The following HAUS8 variants were observed in gnomAD, a reference collection of about 807,000 sequenced individuals.
HAUS8 encodes the protein HAUS augmin-like complex subunit 8.
HAUS8 carries 38 observed loss-of-function variants against 42.9 expected under a neutral mutation model. That is an observed-to-expected ratio of 0.89 (90% CI 0.68 to 1.16). The LOEUF is 1.16. HAUS8 is among the 50% of genes most tolerant of loss of function. The pLI is 0.00. For missense variants in HAUS8, 494 were observed against 511.6 expected (o/e 0.97, Z 0.33); for synonymous variants, 199 against 205.8 (o/e 0.97, Z 0.28).
chr19:17,054,193 G>C (rs568446293), intron 9 of HAUS8, among the ~76,000 whole-genome samples: 1 of 152,226 alleles, frequency 6.6e-6, no homozygotes, highest in East Asian at 1.9e-4. Context: ...AACTGGGAGG[G>C]AATATCTTTC....
intron 3 of HAUS8, among the ~76,000 whole-genome samples, chr19:17,068,167 G>A (rs2057399335): frequency 7.0e-6 from 1 of 142,556 alleles, no homozygotes; most frequent in Non-Finnish European, 1.5e-5. Flanking sequence ...AGGCTGGAGT[G>A]CAGTGGTTCA....
intron 3 of HAUS8, among the ~76,000 whole-genome samples, chr19:17,065,278 G>A (rs1486106506): frequency 6.6e-6 from 1 of 152,128 alleles, no homozygotes; most frequent in East Asian, 1.9e-4. Context: ...ATTATATAGA[G>A]ATGTTTTCAT....
chr19:17,063,589 C>T (rs556492988), intron 3 of HAUS8, among the ~76,000 whole-genome samples: 4 of 152,286 alleles, frequency 2.6e-5, no homozygotes, highest in Non-Finnish European at 5.9e-5. Context: ...TGGGGTGCCC[C>T]AGACTGAACA....
At position 17,073,510 on chromosome 19, in the gene HAUS8, C is replaced by T. The variant is rs913024930; in HGVS notation, c.30-175G>A. On this transcript the variant is annotated intron_variant, in intron 1 of 10. Transcript: ENST00000253669. ...AAAAGGGACACAAGGAGCAGCCAGC[C>T]CTGGTCACCTGGGCAAGAAGGCATA... The T allele has an allele frequency of 4.6e-6, 3 of 648,334 alleles. No homozygotes were observed. The African/African-American group carries it at 5.4e-5, about 12-fold the overall frequency. The allele number at this position is 648,334 out of a possible 1,614,324, so 40.2% of individuals were successfully genotyped here.
intron 9 of HAUS8, among the ~76,000 whole-genome samples, chr19:17,054,015 C>T (rs139380289): frequency 1.8e-3 from 278 of 152,070 alleles, no homozygotes; most frequent in African/African-American, 6.3e-3. Context: ...CACGTGAGGA[C>T]GGGCAGAGAA....
chr19:17,060,166 G>T, intron 4 of HAUS8, 74 bp from the exon 5 acceptor site: 1 of 1,033,000 alleles, frequency 9.7e-7, no homozygotes. Flanking sequence ...AACGCAGGCC[G>T]TGTTTTTGAA....
intron 2 of HAUS8, among the ~76,000 whole-genome samples, chr19:17,072,672 A>T (rs2057434657): frequency 6.6e-6 from 1 of 151,562 alleles, no homozygotes; most frequent in South Asian, 2.1e-4. Context: ...GTTTTGAGAC[A>T]GAGTCTCACT....
intron 1 of HAUS8, chr19:17,073,779 C>T (rs567055982): frequency 3.9e-4 from 70 of 179,310 alleles, no homozygotes; most frequent in Non-Finnish European, 2.6e-4. Context: ...CTGAGGCTGG[C>T]GGATCACGAG....
At chr19:17,075,519 G>A (rs1469237471), upstream of HAUS8, 1 of 1,380,346 alleles carries the variant, frequency 7.2e-7, no homozygotes, top group East Asian at 2.4e-5. Flanking sequence ...GACGCAGGAG[G>A]GGTGGCTGCG....
intron 9 of HAUS8, among the ~76,000 whole-genome samples, chr19:17,055,558 ACCC>A (rs2057320477): frequency 6.6e-6 from 1 of 151,588 alleles, no homozygotes; most frequent in African/African-American, 2.4e-5. Context: ...TGGTCTTGTC[ACCC>A]CCCAACCACT....
chr19:17,073,570 T>C, intron 1 of HAUS8: 1 of 563,430 alleles, frequency 1.8e-6, no homozygotes. Flanking sequence ...AGGAGGGTAA[T>C]GAGAGCTCTG....
intron 3 of HAUS8, among the ~76,000 whole-genome samples, chr19:17,063,805 C>A (rs1042580116): frequency 5.3e-5 from 8 of 152,182 alleles, no homozygotes; most frequent in African/African-American, 1.9e-4. Flanking sequence ...ATCTCCTGAC[C>A]TGTCCTCAAA....
In HAUS8 at chr19:17,073,300, G is replaced by A. The variant is rs923747396; in HGVS notation, c.65C>T (p.Ala22Val). 1 of 1,614,000 alleles carries A rather than the reference G, an allele frequency of 6.2e-7. No homozygotes were observed. Among genetic ancestry groups the A allele is most frequent in the Non-Finnish European group, 8.5e-7 (1 of 1,179,926 alleles). ...PATGPTNSSSAKKKDKRVQGG... is the reference protein window; with the variant it reads ...PATGPTNSSSVKKKDKRVQGG... ...TTGAACTCTTTTATCCTTCTTCTTG[G>A]CACTGCTAGAATTTGTGGGGCCGGT... The change falls in exon 2 of 11, where the codon GCC becomes GTC. Residue 22 changes from alanine to valine, a missense_variant. Coordinates refer to ENST00000253669, the MANE Select transcript of HAUS8 (RefSeq NM_033417.2).
intron 10 of HAUS8, chr19:17,051,720 T>C (rs1461649337): frequency 2.1e-5 from 3 of 146,122 alleles, no homozygotes; most frequent in Non-Finnish European, 4.5e-5. Context: ...CAGGTTGTAA[T>C]GCAGTGGCAC....
intron 9 of HAUS8, among the ~76,000 whole-genome samples, chr19:17,054,108 C>T (rs2123360122): frequency 6.6e-6 from 1 of 152,216 alleles, no homozygotes; most frequent in East Asian, 1.9e-4. Flanking sequence ...GATGAGCTCA[C>T]CTGACAGCCC....
At position 17,055,913 on chromosome 19, in the gene HAUS8, G is replaced by T. The variant is rs200413262; in HGVS notation, c.735C>A (p.His245Gln). 9 of 1,614,162 alleles carry T rather than the reference G, an allele frequency of 5.6e-6. No individual in the cohort carries two copies. The change falls in exon 9 of 11, where the codon CAC (histidine) becomes CAA (glutamine). Residue 245 changes from histidine to glutamine, a missense_variant. Physicochemically the swap from His to Gln is conservative, Grantham distance 24. Coordinates refer to ENST00000253669, the MANE Select transcript of HAUS8 (RefSeq NM_033417.2). The part of the protein sequence containing the change: ...TFATALDTTR[H>Q]ELPVRSIHLE... ...GGTGGATGGACCTCACGGGCAGCTC[G>T]TGCCTGGTAGTGTCCAGGGCCGTGG...
rs377292561 is a variant in HAUS8, at chr19:17,058,723, G to T, written c.487-16C>A. ...TGTTCTCCATCTGTTAAATGTGAAA[G>T]AAAAGCTCAAGCAGGTGGGGACTCC... is the stretch of plus-strand genomic sequence containing the variant. On this transcript the variant is annotated splice_polypyrimidine_tract_variant and intron_variant, in intron 7 of 10. Transcript: ENST00000253669. 34 of 1,603,532 alleles carry T rather than the reference G, an allele frequency of 2.1e-5. No homozygotes were observed. In the African/African-American group the frequency reaches 3.2e-4, roughly 15 times the overall value.
intron 1 of HAUS8, 70 bp from the exon 2 acceptor site, chr19:17,073,405 C>T (rs2057440623): frequency 1.4e-5 from 20 of 1,428,330 alleles, no homozygotes; most frequent in Non-Finnish European, 1.8e-5. Context: ...GGCGAGGTGC[C>T]TCTGCTAGTT....
intron 10 of HAUS8, 51 bp downstream of exon 10, chr19:17,052,774 G>A: frequency 6.2e-7 from 1 of 1,607,058 alleles, no homozygotes; most frequent in Non-Finnish European, 8.5e-7. Flanking sequence ...GCCACCAACA[G>A]CCCTGAGCAA....
Sources: gnomAD v4.1 joint callset for allele counts (sites outside exome capture counted in the v4.1 genomes callset) on GRCh38, gnomAD v4.1.1 for gene constraint, MANE v1.5 for transcripts, NCBI Gene and HGNC (gene_info 2026-07-23, HGNC 2026-07-21) for gene names.